Variants in RHOQ observed in about 807,000 individuals in gnomAD.
RHOQ encodes ras homolog family member Q, also known as rho-related GTP-binding protein RhoQ.
A neutral mutation model predicts 25.8 loss-of-function variants in RHOQ; 7 were observed. The ratio of observed to expected loss-of-function variants is 0.27; its 90% CI spans 0.15 to 0.51. The LOEUF is 0.51. Ranked by LOEUF, RHOQ falls within the 20% of genes least tolerant of loss-of-function variation. The pLI, the probability that RHOQ is intolerant of heterozygous loss-of-function variation, is 0.97. For missense variants in RHOQ, 165 were observed against 260.6 expected, an observed-to-expected ratio of 0.63 and a Z score of 2.53; for synonymous variants, 97 against 98.6, an observed-to-expected ratio of 0.98 and a Z score of 0.10.
chr2:46,571,274 C>T (rs1423053132), intron 2 of RHOQ, among the ~76,000 whole-genome samples: 1 of 152,200 alleles, frequency 6.6e-6, no homozygotes, highest in East Asian at 1.9e-4. Context: ...TTGTGTGTAT[C>T]TCCTCACCTA....
At chr2:46,551,606 T>C (rs367562060) in intron 2 of RHOQ, among the ~76,000 whole-genome samples, 2 of 152,176 alleles carry the variant, frequency 1.3e-5, no homozygotes, top group African/African-American at 4.8e-5. Flanking sequence ...TAAAGAGATA[T>C]TAATCTGGTG....
intron 2 of RHOQ, among the ~76,000 whole-genome samples, chr2:46,574,325 A>T (rs1009449914): frequency 6.7e-6 from 1 of 148,618 alleles, no homozygotes; most frequent in Admixed American, 6.6e-5. Context: ...TGCTAAGATG[A>T]CATACTGTTT....
At position 46,576,199 on chromosome 2, in the gene RHOQ, C is replaced by T. The variant is rs770893673; in HGVS notation, c.314C>T (p.Pro105Leu). Residue 105 changes from proline (P) to leucine (L), a missense_variant, in exon 3 of 5, where the codon CCG (proline) becomes CTG (leucine). Coordinates refer to ENST00000238738, the MANE Select transcript of RHOQ (RefSeq NM_012249.4). The surrounding 1 kb of genome is among the most constrained non-coding windows in gnomAD (Gnocchi z 5.1). ...SFQNVKEEWV[P>L]ELKEYAPNVP... Reference sequence around the variant, plus strand: ...CAAAATGTGAAAGAGGAGTGGGTACCGGAACTTAAGGAATACGCACCAAAT... The same window carrying T: ...CAAAATGTGAAAGAGGAGTGGGTACTGGAACTTAAGGAATACGCACCAAAT... 3.1e-6 allele frequency: 5 copies of T among 1,612,122 alleles called. No homozygotes were observed. The highest frequency in any genetic ancestry group is 1.7e-5 in the Admixed American group (1 of 59,834).
chr2:46,576,327 T>A lies in RHOQ; in HGVS notation c.366+76T>A. The stretch of plus-strand genomic sequence containing the variant: ...GTAGAGGCTGCTCTCAGACAAACAG[T>A]CCCAAAGCTGAGCAAATGATGTAAG... On this transcript the variant is annotated intron_variant, in intron 3 of 4. Coordinates refer to ENST00000238738, the MANE Select transcript of RHOQ (RefSeq NM_012249.4). This position sits in a 1 kb window ranked among gnomAD's most constrained non-coding sequence, Gnocchi z 5.1. The A allele has an allele frequency of 7.9e-7, 1 of 1,259,950 alleles. No individual in the cohort carries two copies. The highest frequency in any genetic ancestry group is 1.1e-6 in the Non-Finnish European group (1 of 895,976). The allele number at this position is 1,259,950 out of a possible 1,614,324, so 78.0% of individuals were successfully genotyped here.
Position 46,581,435 on chromosome 2 carries a change from C to T in RHOQ, c.*352C>T, listed in dbSNP as rs764468225. The T allele has an allele frequency of 6.3e-7, 1 of 1,592,422 alleles. No homozygotes were observed. Among genetic ancestry groups the T allele is most frequent in the Non-Finnish European group, 8.6e-7 (1 of 1,169,408 alleles). ...TTTGACCATACACATTTCTGCCCAG[C>T]CCTTACAGAATCTGCACAAAGAAAT... On this transcript the variant is annotated 3_prime_UTR_variant, in exon 5 of 5. Transcript: ENST00000238738.
At chr2:46,553,176 A>C (rs1048831836) in intron 2 of RHOQ, among the ~76,000 whole-genome samples, 1 of 152,160 alleles carries the variant, frequency 6.6e-6, no homozygotes, top group Non-Finnish European at 1.5e-5. Flanking sequence ...TTTCAGAGTC[A>C]CTGAATTAAT....
At chr2:46,544,010 C>A (rs555670067) in intron 2 of RHOQ, among the ~76,000 whole-genome samples, 198 bp downstream of exon 2, 4 of 152,292 alleles carry the variant, frequency 2.6e-5, no homozygotes, top group South Asian at 2.1e-4. Flanking sequence ...ATAAGCCCCC[C>A]CCATGTGAAC....
intron 2 of RHOQ, among the ~76,000 whole-genome samples, chr2:46,571,145 T>C (rs114824099): frequency 3.0e-4 from 45 of 152,350 alleles, no homozygotes; most frequent in African/African-American, 1.1e-3. Flanking sequence ...AGAGGTCTTT[T>C]CTTAGTGTCC....
Position 46,555,841 on chromosome 2 carries a change from C to G in RHOQ, c.201+12029C>G, listed in dbSNP as rs899612562. ...GCTCACTTGTGTCTTGACTGGGAGACCGGAATGCCTCCTGTTGTCTGAACA... is the reference window on the plus strand; with the variant it reads ...GCTCACTTGTGTCTTGACTGGGAGAGCGGAATGCCTCCTGTTGTCTGAACA... On this transcript the variant is annotated intron_variant, in intron 2 of 4. Transcript: ENST00000238738. This position sits in a 1 kb window ranked among gnomAD's most constrained non-coding sequence, Gnocchi z 4.3. 2.6e-5 allele frequency among the ~76,000 whole-genome samples: 4 copies of G among 152,144 alleles called. No individual in the cohort carries two copies. The highest frequency in any genetic ancestry group is 9.7e-5 in the African/African-American group (4 of 41,410).
chr2:46,573,095 G>A (rs1668989075), intron 2 of RHOQ, among the ~76,000 whole-genome samples: 1 of 148,688 alleles, frequency 6.7e-6, no homozygotes, highest in Non-Finnish European at 1.5e-5. Context: ...ACGGAGTTTA[G>A]CTCTGTTGCC....
At chr2:46,565,146 A>G (rs1014234296) in intron 2 of RHOQ, among the ~76,000 whole-genome samples, 5 of 152,194 alleles carry the variant, frequency 3.3e-5, no homozygotes, top group Non-Finnish European at 5.9e-5. Flanking sequence ...AACCCAGATC[A>G]TGTGCCCACC....
rs971301908 is a variant in RHOQ at position 46,556,030 on chromosome 2, G to A, written c.201+12218G>A. 2.0e-5 allele frequency among the ~76,000 whole-genome samples: 3 copies of A among 151,770 alleles called. No homozygotes were observed. Among genetic ancestry groups the A allele is most frequent in the Non-Finnish European group, 2.9e-5 (2 of 67,954 alleles). ...GAGAACACTTTCATCACCCCAGAAC[G>A]AAACCCCATACCCACCGACAGTCAC... On this transcript the variant is annotated intron_variant, in intron 2 of 4. Coordinates refer to ENST00000238738, the MANE Select transcript of RHOQ (RefSeq NM_012249.4). This position sits in a 1 kb window ranked among gnomAD's most constrained non-coding sequence, Gnocchi z 4.9.
intron 2 of RHOQ, among the ~76,000 whole-genome samples, chr2:46,575,399 T>TCACACACACACACACACA (rs56002979): frequency 1.4e-5 from 2 of 138,228 alleles, no homozygotes; most frequent in Non-Finnish European, 3.1e-5. Context: ...CTTTAAATCT[T>TCACACACACACACACACA]CACACACACA....
At chr2:46,579,747 C>G (rs940562131) in intron 4 of RHOQ, among the ~76,000 whole-genome samples, 2 of 151,824 alleles carry the variant, frequency 1.3e-5, no homozygotes, top group African/African-American at 2.4e-5. Context: ...AGTCAGGAAT[C>G]TGAGGCAGAA....
intron 2 of RHOQ, among the ~76,000 whole-genome samples, chr2:46,545,839 G>C (rs1483010164): frequency 1.3e-5 from 2 of 152,180 alleles, no homozygotes; most frequent in East Asian, 3.8e-4. Context: ...TAGATCCAGA[G>C]TCACTTGAAG....
chr2:46,549,583 C>T (rs1335875556), intron 2 of RHOQ, among the ~76,000 whole-genome samples: 1 of 152,186 alleles, frequency 6.6e-6, no homozygotes, highest in South Asian at 2.1e-4. Context: ...ATGTGTGGCT[C>T]TTAAAAATTA....
intron 2 of RHOQ, among the ~76,000 whole-genome samples, chr2:46,546,486 A>ATATATATATATATG (rs1668062530): frequency 4.6e-5 from 1 of 21,654 alleles, no homozygotes; most frequent in Non-Finnish European, 7.6e-5. Context: ...GTATATATAT[A>ATATATATATATATG]TATATATATA....
In RHOQ at chr2:46,581,684, A is replaced by T; in HGVS notation, c.*601A>T. ...CTAAATATTTCTATATTAAAGCTTA[A>T]TGTGCTTTCTTAAAGAATGCCAAAA... On this transcript the variant is annotated 3_prime_UTR_variant, in exon 5 of 5. Transcript: ENST00000238738. 6.8e-7 allele frequency: 1 copy of T among 1,480,394 alleles called. No individual in the cohort carries two copies. Among genetic ancestry groups the T allele is most frequent in the Non-Finnish European group, 9.1e-7 (1 of 1,103,950 alleles). 91.7% of individuals were successfully genotyped at this position (1,480,394 alleles called of 1,614,324 possible). A position where few individuals can be genotyped will look rare whatever the true frequency, so the allele number is the denominator to read the frequency against.
At chr2:46,549,579 G>A (rs922447990) in intron 2 of RHOQ, among the ~76,000 whole-genome samples, 7 of 152,188 alleles carry the variant, frequency 4.6e-5, no homozygotes, top group African/African-American at 1.7e-4. Context: ...GACCATGTGT[G>A]GCTCTTAAAA....
Sources: allele counts gnomAD v4.1 joint callset (sites outside exome capture counted in the v4.1 genomes callset), GRCh38; gene constraint gnomAD v4.1.1; non-coding constraint Gnocchi (gnomAD v3.1); transcripts MANE v1.5; gene names NCBI Gene and HGNC (gene_info 2026-07-23, HGNC 2026-07-21).